KRT86: variants seen among roughly 807,000 people sequenced by gnomAD.
KRT86 encodes the protein keratin, type II cuticular Hb6.
In KRT86, 30 loss-of-function variants were observed where a neutral mutation model predicts 41.2. The ratio of observed to expected loss-of-function variants is 0.73; its 90% CI spans 0.54 to 0.99. The LOEUF (loss-of-function observed/expected upper bound fraction) is 0.99. KRT86 is among the 50% of genes least tolerant of loss of function. KRT86 has a pLI of 0.00. For missense variants in KRT86, 561 were observed against 571.4 expected, an observed-to-expected ratio of 0.98 and a Z score of 0.19; for synonymous variants, 238 against 238.1, an observed-to-expected ratio of 1.00 and a Z score of 0.00.
At chr12:52,277,060 G>C (rs766492444) in intron 2 of KRT86, among the ~76,000 whole-genome samples, 1 of 152,166 alleles carries the variant, frequency 6.6e-6, no homozygotes, top group Non-Finnish European at 1.5e-5. Flanking sequence ...TCCCCAAGCA[G>C]CAAATACACT....
chr12:52,291,537 C>A (rs1565743159), intron 2 of KRT86: 3 of 1,588,244 alleles, frequency 1.9e-6, no homozygotes, highest in Non-Finnish European at 2.6e-6. Context: ...CTCCAATGTG[C>A]TCCTCAGGGC....
At position 52,308,691 on chromosome 12, in the gene KRT86, C is replaced by G. The variant is rs573713057; in HGVS notation, c.*106C>G. 2 of 1,104,416 alleles carry G rather than the reference C, an allele frequency of 1.8e-6. No homozygotes were observed. Among genetic ancestry groups the G allele is most frequent in the Non-Finnish European group, 1.3e-6 (1 of 760,890 alleles). The allele number at this position is 1,104,416 out of a possible 1,614,324, so 68.4% of individuals were successfully genotyped here. On this transcript the variant is annotated 3_prime_UTR_variant, in exon 11 of 11. Transcript: ENST00000423955. ...CGCCGGCCTCCCAATAGCCGCCGCC[C>G]GCTGCCTGCACTCTAAGCGCCCTCC...
At chr12:52,280,585 T>C (rs1937749943) in intron 2 of KRT86, among the ~76,000 whole-genome samples, 1 of 152,138 alleles carries the variant, frequency 6.6e-6, no homozygotes, top group African/African-American at 2.4e-5. Flanking sequence ...GCCCTCTTCT[T>C]GTGTAAACAG....
chr12:52,286,445 G>A, intron 2 of KRT86: 1 of 1,552,878 alleles, frequency 6.4e-7, no homozygotes, highest in Non-Finnish European at 8.7e-7. Context: ...CCGGGAGCCT[G>A]ACACGCAGAG....
intron 2 of KRT86, chr12:52,287,638 C>A: frequency 6.2e-7 from 1 of 1,613,922 alleles, no homozygotes. Context: ...GCCTTTGGAT[C>A]ATGCGGTTCA....
In KRT86 at chr12:52,297,500, T is replaced by C. The variant is rs949388; in HGVS notation, c.-4-4413T>C. 4.9e-3 allele frequency among the ~76,000 whole-genome samples: 752 copies of C among 152,124 alleles called. 4 individuals carry two copies. The highest frequency in any genetic ancestry group is 0.017 in the African/African-American group (706 of 41,486). On this transcript the variant is annotated intron_variant, in intron 2 of 10. Coordinates refer to ENST00000423955, the MANE Select transcript of KRT86 (RefSeq NM_001320198.2). ...CTAAGCGATCAACTATCTTGAGGAG[T>C]CTGCCTTATAATACCCTCCAGGGAG...
intron 2 of KRT86, chr12:52,287,883 T>C: frequency 1.2e-6 from 2 of 1,607,026 alleles, no homozygotes; most frequent in Non-Finnish European, 1.7e-6. Context: ...TCTCTTCTCA[T>C]CCCTAGGGAC....
intron 2 of KRT86, among the ~76,000 whole-genome samples, chr12:52,299,177 G>A (rs76151209): frequency 3.9e-5 from 6 of 152,006 alleles, no homozygotes; most frequent in Admixed American, 6.6e-5. Context: ...TTTAGCTCTC[G>A]CATATGTGTA....
intron 2 of KRT86, among the ~76,000 whole-genome samples, chr12:52,283,919 C>T (rs1216766755): frequency 1.3e-5 from 2 of 152,212 alleles, no homozygotes; most frequent in Admixed American, 1.3e-4. Flanking sequence ...TCCCGCCTTG[C>T]TCCTCTGTCT....
intron 2 of KRT86, chr12:52,291,496 C>G: frequency 6.2e-7 from 1 of 1,611,380 alleles, no homozygotes; most frequent in Non-Finnish European, 8.5e-7. Flanking sequence ...TTGCAGAGGA[C>G]AGGATAGGGG....
rs183358379 is a variant in KRT86, at chr12:52,305,384, G to A, written c.880G>A (p.Glu294Lys). ...TGTCACCCGTAGCCGGGCTGAGGCC[G>A]AGTCCTGGTACCGCAGCAAGGTGAG... ...DIVTRSRAEA[E>K]SWYRSKCEEM... is the part of the protein sequence containing the mutation. Residue 294 changes from glutamate to lysine, a missense_variant, in exon 7 of 11, where the codon GAG (glutamate) becomes AAG (lysine). By Grantham distance (56) the Glu-to-Lys change is moderately conservative. Around this residue, in one of 3 missense-constraint regions of KRT86, gnomAD observed 397 missense variants for 375.9 expected, o/e 1.06. Coordinates refer to ENST00000423955, the MANE Select transcript of KRT86 (RefSeq NM_001320198.2). 561 of 1,614,204 alleles carry A rather than the reference G, an allele frequency of 3.5e-4. No homozygotes were observed. In the African/African-American group the frequency reaches 6.1e-3, roughly 17 times the overall value.
At position 52,308,751 on chromosome 12, in the gene KRT86, A is replaced by C; in HGVS notation, c.*166A>C. The stretch of plus-strand genomic sequence containing the variant: ...CGCTCCGGGAGCCATCCCCGGTCGC[A>C]GGAGTCCGGGGAGGGCCGGGAGGCG... On this transcript the variant is annotated 3_prime_UTR_variant, in exon 11 of 11. Transcript: ENST00000423955. 6.1e-6 allele frequency: 4 copies of C among 659,712 alleles called. No individual in the cohort carries two copies. Among genetic ancestry groups the C allele is most frequent in the Non-Finnish European group, 1.0e-5 (4 of 389,018 alleles). 40.9% of individuals were successfully genotyped at this position (659,712 alleles called of 1,614,324 possible). A position where few individuals can be genotyped will look rare whatever the true frequency, so the allele number is the denominator to read the frequency against.
chr12:52,287,381 C>A, intron 2 of KRT86: 1 of 1,600,236 alleles, frequency 6.2e-7, no homozygotes, highest in Non-Finnish European at 8.5e-7. Flanking sequence ...TGATGCTCAT[C>A]CAAATGAGAC....
intron 2 of KRT86, among the ~76,000 whole-genome samples, chr12:52,280,113 G>A (rs1263246089): frequency 6.6e-6 from 1 of 152,188 alleles, no homozygotes; most frequent in Non-Finnish European, 1.5e-5. Flanking sequence ...CTTGGGTTCT[G>A]GTTTAACACA....
At chr12:52,297,841 T>A (rs1372074852) in intron 2 of KRT86, among the ~76,000 whole-genome samples, 3 of 152,252 alleles carry the variant, frequency 2.0e-5, no homozygotes, top group African/African-American at 7.2e-5. Flanking sequence ...CCATCTGCAA[T>A]GAAAGCTTGC....
intron 2 of KRT86, among the ~76,000 whole-genome samples, chr12:52,296,777 C>A (rs1938260993): frequency 6.6e-6 from 1 of 152,230 alleles, no homozygotes; most frequent in African/African-American, 2.4e-5. Flanking sequence ...CTTCACTGGA[C>A]CCTGGCCTGC....
chr12:52,294,327 T>C (rs1008755490), intron 2 of KRT86, among the ~76,000 whole-genome samples: 1 of 152,254 alleles, frequency 6.6e-6, no homozygotes, highest in African/African-American at 2.4e-5. Context: ...TGGCTGGTCC[T>C]TACTAAGCAA....
rs1276978544 is a variant in KRT86 at position 52,306,154 on chromosome 12, C to T, written c.1121C>T (p.Ala374Val). Residue 374 changes from alanine to valine, a missense_variant, in exon 9 of 11, where the codon GCC becomes GTC. Physicochemically the swap from Ala to Val is moderately conservative, Grantham distance 64. Coordinates refer to ENST00000423955, the MANE Select transcript of KRT86 (RefSeq NM_001320198.2). ...ARCKLAELEG[A>V]LQKAKQDMAC... ...TGCAAGTTGGCCGAGCTGGAGGGTG[C>T]CCTGCAGAAGGCCAAGCAGGACATG... is the stretch of plus-strand genomic sequence containing the variant. 2.5e-6 allele frequency: 4 copies of T among 1,613,782 alleles called. No individual in the cohort carries two copies. Among genetic ancestry groups the T allele is most frequent in the African/African-American group, 2.7e-5 (2 of 74,892 alleles).
intron 1 of KRT86, 86 bp from the exon 2 acceptor site, chr12:52,275,735 A>C (rs1942546481): frequency 2.2e-6 from 1 of 451,300 alleles, no homozygotes; most frequent in Non-Finnish European, 2.9e-6. Flanking sequence ...AAGCTAGGTG[A>C]CCACTGGTGA....
Sources: allele counts gnomAD v4.1 joint callset (sites outside exome capture counted in the v4.1 genomes callset), GRCh38; gene constraint gnomAD v4.1.1; regional missense constraint gnomAD v4.1.1; transcripts MANE v1.5; gene names NCBI Gene and HGNC (gene_info 2026-07-23, HGNC 2026-07-21).